Variants in TNIP3 observed in about 807,000 individuals in gnomAD.
TNIP3 encodes TNFAIP3-interacting protein 3.
Under a neutral mutation model 54.1 loss-of-function variants are expected in TNIP3, and 34 were observed. The observed-to-expected ratio is 0.63, with a 90% CI of 0.48 to 0.84. The LOEUF (loss-of-function observed/expected upper bound fraction) is 0.84, where lower values mean the gene tolerates loss of function less well. Ranked by LOEUF, TNIP3 falls within the 40% of genes least tolerant of loss-of-function variation. The pLI is 0.00. For missense variants in TNIP3, 366 were observed against 387.6 expected (o/e 0.94, Z 0.47); for synonymous variants, 134 against 136.8 (o/e 0.98, Z 0.14).
upstream of TNIP3, among the ~76,000 whole-genome samples, chr4:121,217,671 A>G (rs1560699754): frequency 3.3e-5 from 5 of 152,208 alleles, no homozygotes; most frequent in South Asian, 1.0e-3. Flanking sequence ...TTCTGCAAAT[A>G]TGTTGAAGAG....
intron 10 of TNIP3, chr4:121,137,694 A>C: frequency 3.1e-6 from 1 of 326,266 alleles, no homozygotes; most frequent in Non-Finnish European, 6.0e-6. Flanking sequence ...ACTCCATAAC[A>C]GACTCCTTGT....
intron 3 of TNIP3, among the ~76,000 whole-genome samples, chr4:121,181,916 T>C (rs917008440): frequency 2.0e-5 from 3 of 152,250 alleles, no homozygotes; most frequent in Non-Finnish European, 4.4e-5. Context: ...TTTATCCATA[T>C]ACATTTTCAA....
At chr4:121,204,433 A>G (rs1301118468) in intron 2 of TNIP3, among the ~76,000 whole-genome samples, 2 of 152,160 alleles carry the variant, frequency 1.3e-5, no homozygotes, top group African/African-American at 2.4e-5. Context: ...GTTGTCTCAT[A>G]TCTTCCTAAA....
intron 3 of TNIP3, among the ~76,000 whole-genome samples, chr4:121,176,075 T>C (rs1724309220): frequency 6.6e-6 from 1 of 152,226 alleles, no homozygotes; most frequent in South Asian, 2.1e-4. Context: ...AACTCTATGG[T>C]GATATTTTGG....
chr4:121,198,445 T>A (rs1264017615), intron 2 of TNIP3, among the ~76,000 whole-genome samples: 1 of 152,090 alleles, frequency 6.6e-6, no homozygotes, highest in African/African-American at 2.4e-5. Flanking sequence ...AGTGCAAAAT[T>A]TCTCAATGAC....
At chr4:121,155,570 TA>T (rs1730034288) in intron 4 of TNIP3, among the ~76,000 whole-genome samples, 1 of 152,184 alleles carries the variant, frequency 6.6e-6, no homozygotes, top group African/African-American at 2.4e-5. Context: ...GATGACAATC[TA>T]AAATTGTCAT....
intron 1 of TNIP3, among the ~76,000 whole-genome samples, chr4:121,224,825 A>G (rs1579519211): frequency 6.6e-6 from 1 of 152,256 alleles, no homozygotes; most frequent in South Asian, 2.1e-4. Flanking sequence ...TTCCTAGAAG[A>G]TTTTTGAACA....
At chr4:121,205,484 C>T (rs1361874490) in intron 2 of TNIP3, among the ~76,000 whole-genome samples, 4 of 151,896 alleles carry the variant, frequency 2.6e-5, no homozygotes, top group African/African-American at 7.3e-5. Context: ...GGGTTTTCAG[C>T]AAAGGAGGGA....
At chr4:121,219,131 C>T (rs935177587), upstream of TNIP3, among the ~76,000 whole-genome samples, 2 of 150,836 alleles carry the variant, frequency 1.3e-5, no homozygotes, top group African/African-American at 2.4e-5. Flanking sequence ...ACCAAGGAGG[C>T]GGAGGTTGCA....
rs145978022 is a variant in TNIP3 at position 121,146,390 on chromosome 4, G to A, written c.735+659C>T. On this transcript the variant is annotated intron_variant, in intron 7 of 10. Transcript: ENST00000057513. The stretch of plus-strand genomic sequence containing the variant: ...TTGCAATATTTTACAAATAAAAATG[G>A]TGCAGTTTGTTTTATTTTTTAAGGC... Among the ~76,000 whole-genome samples the A allele has an allele frequency of 1.4e-4, 21 of 152,212 alleles. No homozygotes were observed. In the East Asian group the frequency reaches 3.7e-3, roughly 27 times the overall value.
chr4:121,202,229 G>A (rs1725930908), intron 2 of TNIP3, among the ~76,000 whole-genome samples: 1 of 152,084 alleles, frequency 6.6e-6, no homozygotes, highest in African/African-American at 2.4e-5. Flanking sequence ...TAGACCAAGG[G>A]AACAGAATAG....
intron 2 of TNIP3, among the ~76,000 whole-genome samples, chr4:121,194,044 G>T (rs902925529): frequency 1.4e-4 from 22 of 152,060 alleles, no homozygotes; most frequent in African/African-American, 5.3e-4. Flanking sequence ...CCTTTTTTAT[G>T]CAAAGGATAT....
chr4:121,173,045 T>C (rs1015635983), intron 3 of TNIP3, among the ~76,000 whole-genome samples: 1 of 152,186 alleles, frequency 6.6e-6, no homozygotes, highest in Non-Finnish European at 1.5e-5. Flanking sequence ...AATGACTTGC[T>C]CACAATTATG....
At chr4:121,168,706 G>C (rs1437464065), upstream of TNIP3, among the ~76,000 whole-genome samples, 1 of 151,908 alleles carries the variant, frequency 6.6e-6, no homozygotes, top group Non-Finnish European at 1.5e-5. Flanking sequence ...TTTTTGTAGA[G>C]ATGTGGTCTC....
chr4:121,132,656 G>T lies in TNIP3; in HGVS notation c.953C>A (p.Ser318Tyr). 1 of 1,611,406 alleles carries T rather than the reference G, an allele frequency of 6.2e-7. No homozygotes were observed. Among genetic ancestry groups the T allele is most frequent in the Non-Finnish European group, 8.5e-7 (1 of 1,178,118 alleles). Reference protein sequence around the residue: ...PDVQHKANGLSSVKKVHP With the variant: ...PDVQHKANGLYSVKKVHP ...CTACGGATGGACTTTCTTTACTGAG[G>T]ATAAACCTATGGAAAACAGTAGGAA... The change falls in exon 11 of 11, where the codon TCC becomes TAC. Residue 318 changes from serine to tyrosine, a missense_variant. By Grantham distance (144) the Ser-to-Tyr change is moderately radical. Transcript: ENST00000057513.
intron 3 of TNIP3, among the ~76,000 whole-genome samples, chr4:121,174,001 A>G (rs1724148128): frequency 6.6e-6 from 1 of 152,214 alleles, no homozygotes; most frequent in African/African-American, 2.4e-5. Flanking sequence ...TAAGTACTAG[A>G]ATATGAAGAT....
intron 2 of TNIP3, 143 bp from the exon 3 acceptor site, chr4:121,158,895 T>A: frequency 1.5e-6 from 1 of 660,224 alleles, no homozygotes; most frequent in Non-Finnish European, 2.6e-6. Flanking sequence ...GTTCTGATTG[T>A]GCTGGGATGA....
upstream of TNIP3, among the ~76,000 whole-genome samples, chr4:121,165,081 A>T (rs1388662984): frequency 6.6e-6 from 1 of 151,980 alleles, no homozygotes; most frequent in Non-Finnish European, 1.5e-5. Flanking sequence ...AAGGAATACA[A>T]AAAAGGAAAG....
upstream of TNIP3, among the ~76,000 whole-genome samples, chr4:121,220,434 G>A (rs771129071): frequency 5.3e-5 from 8 of 152,104 alleles, no homozygotes; most frequent in African/African-American, 1.9e-4. Flanking sequence ...AAAATTTTAA[G>A]ACATAAAGCA....
Sources: gnomAD v4.1 joint callset for allele counts (sites outside exome capture counted in the v4.1 genomes callset) on GRCh38, gnomAD v4.1.1 for gene constraint, MANE v1.5 for transcripts, NCBI Gene and HGNC (gene_info 2026-07-23, HGNC 2026-07-21) for gene names.